Variants in ST3GAL5 observed in about 807,000 individuals in gnomAD.
ST3GAL5 encodes the protein ST3 beta-galactoside alpha-2,3-sialyltransferase 5.
ST3GAL5 carries 25 observed loss-of-function variants against 46.1 expected under a neutral mutation model. The ratio of observed to expected loss-of-function variants is 0.54; its 90% CI spans 0.40 to 0.76. The LOEUF (loss-of-function observed/expected upper bound fraction) is 0.76. ST3GAL5 is among the 30% of genes least tolerant of loss of function. The probability of loss-of-function intolerance (pLI) is 0.00; values close to 1 mark genes in which losing one functional copy is unlikely to be tolerated. For synonymous variants in ST3GAL5, 182 were observed against 192.7 expected (o/e 0.94, Z 0.46); for missense variants, 431 against 521.2 (o/e 0.83, Z 1.69).
intron 1 of ST3GAL5, among the ~76,000 whole-genome samples, chr2:85,872,940 C>A (rs752795368): frequency 6.6e-6 from 1 of 152,222 alleles, no homozygotes; most frequent in Non-Finnish European, 1.5e-5. Context: ...AGCCGCCTAG[C>A]GACCACATGC....
intron 3 of ST3GAL5, chr2:85,853,873 AG>A (rs748237892): frequency 4.6e-5 from 7 of 152,198 alleles, no homozygotes; most frequent in Non-Finnish European, 1.0e-4. Flanking sequence ...TCTGCGTGGA[AG>A]GAAGCAGGAT....
At chr2:85,853,129 ATGC>A in intron 3 of ST3GAL5, 2 of 1,284,766 alleles carry the variant, frequency 1.6e-6, no homozygotes, top group Non-Finnish European at 2.1e-6. Context: ...CAAGTTCAAA[ATGC>A]TGCTACTACA....
Position 85,861,286 on chromosome 2 carries a change from T to C in ST3GAL5, c.213A>G (p.Thr71=), listed in dbSNP as rs1437432364. 2 of 1,599,536 alleles carry C rather than the reference T, an allele frequency of 1.3e-6. No homozygotes were observed. Among genetic ancestry groups the C allele is most frequent in the Non-Finnish European group, 1.7e-6 (2 of 1,167,008 alleles). Residue 71 remains threonine (T), a synonymous_variant, in exon 3 of 7, where the codon ACA becomes ACG. Coordinates refer to ENST00000638572, the MANE Select transcript of ST3GAL5 (RefSeq NM_003896.4). The stretch of plus-strand genomic sequence containing the variant: ...GGATCCACACTCCAAACACAAGCAA[T>C]GTACATCTGGAAAAAAATCAATTAG... ...SLLLKDILKC[T]LLVFGVWILY...
At position 85,848,074 on chromosome 2, in the gene ST3GAL5, T is replaced by C. The variant is rs1278608980; in HGVS notation, c.449A>G (p.Lys150Arg). 3 of 1,614,182 alleles carry C rather than the reference T, an allele frequency of 1.9e-6. No homozygotes were observed. Among genetic ancestry groups the C allele is most frequent in the Non-Finnish European group, 2.5e-6 (3 of 1,180,030 alleles). Residue 150 changes from lysine (K) to arginine (R), a missense_variant, in exon 4 of 7, where the codon AAA becomes AGA. Coordinates refer to ENST00000638572, the MANE Select transcript of ST3GAL5 (RefSeq NM_003896.4). ...GTACTTGGACTCAGCTTCACTGTCTTTGGGGGCCTTCTGCACAAAAGGGAG... is the reference window on the plus strand; with the variant it reads ...GTACTTGGACTCAGCTTCACTGTCTCTGGGGGCCTTCTGCACAAAAGGGAG... ...DLLPFVQKAPKDSEAESKYDP... is the reference protein window; with the variant it reads ...DLLPFVQKAPRDSEAESKYDP...
At chr2:85,852,261 C>T (rs1262500400) in intron 3 of ST3GAL5, among the ~76,000 whole-genome samples, 2 of 152,168 alleles carry the variant, frequency 1.3e-5, no homozygotes, top group East Asian at 3.9e-4. Context: ...TCAATTCTGC[C>T]ATGGATCACG....
chr2:85,886,828 C>T (rs534086867), intron 1 of ST3GAL5, among the ~76,000 whole-genome samples: 1 of 152,326 alleles, frequency 6.6e-6, no homozygotes, highest in Admixed American at 6.5e-5. Flanking sequence ...CCTTCCTCAG[C>T]AGTTAGGCAG....
At chr2:85,881,034 G>T in intron 1 of ST3GAL5, 1 of 479,422 alleles carries the variant, frequency 2.1e-6, no homozygotes, top group Non-Finnish European at 4.1e-6. Flanking sequence ...GGACCCAGGG[G>T]AGGTAATTGA....
chr2:85,840,578 C>A, intron 6 of ST3GAL5, 186 bp from the exon 7 acceptor site: 1 of 678,160 alleles, frequency 1.5e-6, no homozygotes, highest in Non-Finnish European at 2.6e-6. Flanking sequence ...GGAATCTAGG[C>A]TCTAAAACAT....
At chr2:85,848,846 T>G in intron 3 of ST3GAL5, 1 of 157,466 alleles carries the variant, frequency 6.4e-6, no homozygotes, top group South Asian at 1.9e-4. Flanking sequence ...TATGTTTTTT[T>G]TAACCACGAT....
chr2:85,861,270 C>T lies in ST3GAL5; in HGVS notation c.229G>A (p.Val77Met), dbSNP rs1684695986. ...ILKCTLLVFG[V>M]WILYILKLNY... The stretch of plus-strand genomic sequence containing the variant: ...AACTTGAGGATATAAAGGATCCACA[C>T]TCCAAACACAAGCAATGTACATCTG... Residue 77 changes from valine (V) to methionine (M), a missense_variant, in exon 3 of 7, where the codon GTG (valine) becomes ATG (methionine). By Grantham distance (21) the Val-to-Met change is conservative. Coordinates refer to ENST00000638572, the MANE Select transcript of ST3GAL5 (RefSeq NM_003896.4). The T allele has an allele frequency of 1.2e-6, 2 of 1,612,376 alleles. No homozygotes were observed. The highest frequency in any genetic ancestry group is 1.3e-5 in the African/African-American group (1 of 74,830).
At chr2:85,861,070 A>G in intron 3 of ST3GAL5, 111 bp downstream of exon 3, 2 of 832,604 alleles carry the variant, frequency 2.4e-6, no homozygotes, top group Non-Finnish European at 2.0e-6. Context: ...TTCCCCTCTG[A>G]GTTCAAACTT....
chr2:85,844,778 G>C (rs1184612289), intron 5 of ST3GAL5: 2 of 597,506 alleles, frequency 3.3e-6, no homozygotes, highest in African/African-American at 3.7e-5. Context: ...TGGACAAAGA[G>C]ATGAATTGCA....
chr2:85,839,984 A>C lies in ST3GAL5; in HGVS notation c.*160T>G. ...ACTGACCTCAAATAAATAGGAAAAA[A>C]AAAGTGGGAAGAGCTAAAATTTTTT... is the stretch of plus-strand genomic sequence containing the variant. On this transcript the variant is annotated 3_prime_UTR_variant, in exon 7 of 7. Coordinates refer to ENST00000638572, the MANE Select transcript of ST3GAL5 (RefSeq NM_003896.4). The C allele has an allele frequency of 9.6e-7, 1 of 1,040,376 alleles. No individual in the cohort carries two copies. Among genetic ancestry groups the C allele is most frequent in the Non-Finnish European group, 1.4e-6 (1 of 722,862 alleles). The allele number at this position is 1,040,376 out of a possible 1,614,324, so 64.4% of individuals were successfully genotyped here.
rs1474869402 is a variant in ST3GAL5, at chr2:85,837,411, T to C, written c.*2733A>G. 2.6e-5 allele frequency: 4 copies of C among 152,142 alleles called. No homozygotes were observed. In the East Asian group the frequency reaches 5.8e-4, roughly 22 times the overall value. 9.4% of individuals were successfully genotyped at this position (152,142 alleles called of 1,614,324 possible). ...GGATCTCATGAAGATAGAGAGTAGA[T>C]TGGTAGTTACCAGAGGCCAAGAAGG... On this transcript the variant is annotated 3_prime_UTR_variant, in exon 7 of 7. Coordinates refer to ENST00000638572, the MANE Select transcript of ST3GAL5 (RefSeq NM_003896.4).
intron 2 of ST3GAL5, among the ~76,000 whole-genome samples, chr2:85,862,222 G>C (rs1048677740): frequency 6.6e-6 from 1 of 152,010 alleles, no homozygotes; most frequent in African/African-American, 2.4e-5. Flanking sequence ...ATAATGATAA[G>C]TGAACAGGAT....
At chr2:85,874,569 G>A (rs564034997) in intron 1 of ST3GAL5, among the ~76,000 whole-genome samples, 1 of 151,960 alleles carries the variant, frequency 6.6e-6, no homozygotes, top group Non-Finnish European at 1.5e-5. Flanking sequence ...TGTAAAACAC[G>A]ACTTCCACCC....
Position 85,848,161 on chromosome 2 carries a change from C to A in ST3GAL5, c.362G>T (p.Arg121Leu). 1 of 1,614,192 alleles carries A rather than the reference C, an allele frequency of 6.2e-7. No individual in the cohort carries two copies. The highest frequency in any genetic ancestry group is 8.5e-7 in the Non-Finnish European group (1 of 1,180,028). The change falls in exon 4 of 7, where the codon CGT becomes CTT. Residue 121 changes from arginine (R) to leucine (L), a missense_variant. Physicochemically the swap from Arg to Leu is moderately radical, Grantham distance 102. Coordinates refer to ENST00000638572, the MANE Select transcript of ST3GAL5 (RefSeq NM_003896.4). ...YAQQVLQKEC[R>L]PKFAKTSMAL... is the part of the protein sequence containing the mutation. ...CATTGATGTCTTGGCAAACTTGGGA[C>A]GACATTCCTTCTGCAAGACTTGCTG...
intron 3 of ST3GAL5, chr2:85,850,762 C>G (rs1035814542): frequency 6.6e-6 from 1 of 152,186 alleles, no homozygotes; most frequent in South Asian, 2.1e-4. Context: ...CTGATGGCCA[C>G]GGGACTAGAA....
intron 1 of ST3GAL5, among the ~76,000 whole-genome samples, chr2:85,882,573 C>T (rs185987870): frequency 7.2e-5 from 11 of 152,236 alleles, no homozygotes; most frequent in African/African-American, 2.6e-4. Context: ...TAGCTCACAC[C>T]TGTAATCCTA....
Sources: allele counts gnomAD v4.1 joint callset (sites outside exome capture counted in the v4.1 genomes callset), GRCh38; gene constraint gnomAD v4.1.1; transcripts MANE v1.5; gene names NCBI Gene and HGNC (gene_info 2026-07-23, HGNC 2026-07-21).